The following FAM13A variants were observed in gnomAD, a reference collection of about 807,000 sequenced individuals.
The protein encoded by FAM13A is protein FAM13A.
FAM13A carries 76 observed loss-of-function variants against 129.6 expected under a neutral mutation model. That is an observed-to-expected ratio of 0.59 (90% CI 0.49 to 0.71). The LOEUF (loss-of-function observed/expected upper bound fraction) is 0.71, where lower values mean the gene tolerates loss of function less well. Among genes scored for constraint, FAM13A ranks in the 30% least tolerant of loss-of-function variants. The pLI is 0.00. For synonymous variants in FAM13A, 443 were observed against 449.9 expected (o/e 0.98, Z 0.20); for missense variants, 1,108 against 1,249.3 (o/e 0.89, Z 1.70).
chr4:88,893,514 T>G (rs566959801), intron 6 of FAM13A, among the ~76,000 whole-genome samples: 1 of 146,074 alleles, frequency 6.8e-6, no homozygotes, highest in South Asian at 2.2e-4. Context: ...TCCCAGCTAC[T>G]CAGGAGGTTG....
At chr4:89,009,477 C>T (rs949862001) in intron 3 of FAM13A, among the ~76,000 whole-genome samples, 5 of 152,144 alleles carry the variant, frequency 3.3e-5, no homozygotes, top group African/African-American at 9.7e-5. Flanking sequence ...TTAGAGAAAA[C>T]CAGATCCACA....
intron 4 of FAM13A, among the ~76,000 whole-genome samples, chr4:88,980,411 A>G (rs1432931926): frequency 6.6e-6 from 1 of 152,206 alleles, no homozygotes; most frequent in Non-Finnish European, 1.5e-5. Flanking sequence ...AAGAAATGGT[A>G]AGTAGTAAGC....
At chr4:88,980,787 G>C (rs1039645229) in intron 4 of FAM13A, among the ~76,000 whole-genome samples, 3 of 152,164 alleles carry the variant, frequency 2.0e-5, no homozygotes, top group African/African-American at 7.2e-5. Context: ...ACAGCAGTTA[G>C]CAGATAAAAT....
chr4:88,907,358 C>T (rs1748335346), intron 5 of FAM13A, among the ~76,000 whole-genome samples: 1 of 152,146 alleles, frequency 6.6e-6, no homozygotes, highest in African/African-American at 2.4e-5. Context: ...TCATCTAAAT[C>T]ATACATTTTT....
At chr4:88,906,878 T>C (rs1748260984) in intron 5 of FAM13A, among the ~76,000 whole-genome samples, 1 of 152,254 alleles carries the variant, frequency 6.6e-6, no homozygotes, top group African/African-American at 2.4e-5. Flanking sequence ...ACTCTTTACA[T>C]ACTTGACCTT....
intron 17 of FAM13A, 116 bp from the exon 18 acceptor site, chr4:88,747,967 G>T: frequency 1.5e-6 from 1 of 668,012 alleles, no homozygotes; most frequent in Non-Finnish European, 2.5e-6. Flanking sequence ...TCGGCTCACT[G>T]CAAGCTCCGC....
intron 8 of FAM13A, among the ~76,000 whole-genome samples, chr4:88,802,640 G>C (rs1009711696): frequency 9.9e-5 from 15 of 152,092 alleles, no homozygotes; most frequent in African/African-American, 3.6e-4. Flanking sequence ...GTGATAACAA[G>C]AGCAACATAA....
At chr4:88,981,751 C>T (rs190967859) in intron 4 of FAM13A, among the ~76,000 whole-genome samples, 196 of 152,290 alleles carry the variant, frequency 1.3e-3, no homozygotes, top group African/African-American at 4.6e-3. Context: ...ACAGTTTGCT[C>T]GACAGATGCT....
At chr4:88,997,187 A>G (rs1255957641) in intron 3 of FAM13A, among the ~76,000 whole-genome samples, 1 of 152,240 alleles carries the variant, frequency 6.6e-6, no homozygotes, top group Non-Finnish European at 1.5e-5. Flanking sequence ...AACTTGTTAA[A>G]CTGGAATAAA....
intron 6 of FAM13A, among the ~76,000 whole-genome samples, chr4:88,875,360 C>A (rs1000170987): frequency 1.4e-4 from 22 of 152,158 alleles, no homozygotes; most frequent in African/African-American, 5.1e-4. Context: ...AGGCAACCTA[C>A]AGAATGGGAG....
chr4:88,857,910 C>A (rs1054739570), intron 6 of FAM13A, among the ~76,000 whole-genome samples: 1 of 152,140 alleles, frequency 6.6e-6, no homozygotes, highest in African/African-American at 2.4e-5. Flanking sequence ...ATAATAGCAT[C>A]TACTTTCTTC....
chr4:89,000,000 T>TA (rs1197959701), intron 3 of FAM13A, among the ~76,000 whole-genome samples: 1 of 152,170 alleles, frequency 6.6e-6, no homozygotes, highest in Non-Finnish European at 1.5e-5. Flanking sequence ...AAAGCATTAC[T>TA]AAAAAAACAA....
At chr4:88,760,096 T>A (rs1472736676) in intron 13 of FAM13A, among the ~76,000 whole-genome samples, 1 of 152,246 alleles carries the variant, frequency 6.6e-6, no homozygotes, top group Non-Finnish European at 1.5e-5. Context: ...ATTTCATTAA[T>A]GTATGAGAAA....
chr4:88,800,070 A>G (rs1727106472), intron 8 of FAM13A, among the ~76,000 whole-genome samples: 1 of 152,228 alleles, frequency 6.6e-6, no homozygotes, highest in African/African-American at 2.4e-5. Flanking sequence ...AGACTGTAAG[A>G]TCCCACTCAT....
intron 4 of FAM13A, among the ~76,000 whole-genome samples, chr4:88,957,962 C>T (rs567635508): frequency 1.3e-4 from 20 of 152,160 alleles, no homozygotes; most frequent in African/African-American, 3.4e-4. Context: ...TTCTAACAAC[C>T]TATGCTCAGA....
intron 4 of FAM13A, among the ~76,000 whole-genome samples, chr4:88,953,170 T>C (rs1055042102): frequency 6.6e-6 from 1 of 152,032 alleles, no homozygotes; most frequent in African/African-American, 2.4e-5. Flanking sequence ...GAAACTTCCC[T>C]CTCAGCTGGG....
intron 6 of FAM13A, among the ~76,000 whole-genome samples, chr4:88,865,984 G>C (rs1740365940): frequency 7.4e-6 from 1 of 135,968 alleles, no homozygotes; most frequent in Non-Finnish European, 1.5e-5. Flanking sequence ...CGATTTTCAT[G>C]CCTCAGCCTC....
intron 6 of FAM13A, among the ~76,000 whole-genome samples, chr4:88,860,867 T>C (rs1347560338): frequency 6.6e-6 from 1 of 152,192 alleles, no homozygotes; most frequent in South Asian, 2.1e-4. Context: ...GCGCCACTCA[T>C]TGTGACAAGG....
chr4:88,732,457 G>C, intron 21 of FAM13A: 1 of 302,364 alleles, frequency 3.3e-6, no homozygotes, highest in East Asian at 5.5e-5. Context: ...TGTACATCAT[G>C]TTAATAGTTG....
Sources: allele counts gnomAD v4.1 joint callset (sites outside exome capture counted in the v4.1 genomes callset), GRCh38; gene constraint gnomAD v4.1.1; transcripts MANE v1.5; gene names NCBI Gene and HGNC (gene_info 2026-07-23, HGNC 2026-07-21).